Variants in HPS3 observed in about 807,000 individuals in gnomAD.
HPS3 encodes the protein HPS3 biogenesis of lysosomal organelles complex 2 subunit 1.
A neutral mutation model predicts 110.9 loss-of-function variants in HPS3; 79 were observed. The ratio of observed to expected loss-of-function variants is 0.71; its 90% CI spans 0.59 to 0.86. The LOEUF (loss-of-function observed/expected upper bound fraction) is 0.86, where lower values mean the gene tolerates loss of function less well. HPS3 is among the 40% of genes least tolerant of loss of function. The pLI is 0.00. For missense variants in HPS3, 1,197 were observed against 1,206.2 expected, an observed-to-expected ratio of 0.99 and a Z score of 0.11; for synonymous variants, 428 against 451.0, an observed-to-expected ratio of 0.95 and a Z score of 0.65.
intron 1 of HPS3, among the ~76,000 whole-genome samples, chr3:149,137,845 C>A (rs918619127): frequency 1.3e-5 from 2 of 152,088 alleles, no homozygotes; most frequent in Non-Finnish European, 2.9e-5. Flanking sequence ...TTAATCAGTG[C>A]AGAGTTTTTT....
At chr3:149,145,590 G>A in intron 5 of HPS3, 44 bp downstream of exon 5, 1 of 1,501,854 alleles carries the variant, frequency 6.7e-7, no homozygotes, top group Non-Finnish European at 9.3e-7. Context: ...TCACTTATTT[G>A]TAAATTTTTG....
intron 10 of HPS3, among the ~76,000 whole-genome samples, chr3:149,159,085 TA>T (rs1723632708): frequency 6.6e-6 from 1 of 152,178 alleles, no homozygotes; most frequent in South Asian, 2.1e-4. Context: ...TGGTCTGTTG[TA>T]GTCTCAACAC....
At chr3:149,172,020 T>G in intron 16 of HPS3, 75 bp from the exon 17 acceptor site, 4 of 1,470,836 alleles carry the variant, frequency 2.7e-6, no homozygotes, top group Non-Finnish European at 3.8e-6. Flanking sequence ...TGGCTTCTAA[T>G]TGGTTGGTTA....
At chr3:149,163,746 A>T in intron 13 of HPS3, 96 bp from the exon 14 acceptor site, 1 of 727,824 alleles carries the variant, frequency 1.4e-6, no homozygotes, top group South Asian at 1.5e-5. Flanking sequence ...ATTCTATGAC[A>T]TGGCAGAGAA....
intron 14 of HPS3, among the ~76,000 whole-genome samples, chr3:149,164,754 T>A (rs1724236371): frequency 6.6e-6 from 1 of 152,174 alleles, no homozygotes; most frequent in South Asian, 2.1e-4. Flanking sequence ...CCGCAGCCCC[T>A]CCTTGGGCAG....
rs1483725751 is a variant in HPS3 at position 149,141,122 on chromosome 3, C to G, written c.818C>G (p.Thr273Arg). 1.9e-6 allele frequency: 3 copies of G among 1,612,986 alleles called. No individual in the cohort carries two copies. Among genetic ancestry groups the G allele is most frequent in the Non-Finnish European group, 2.5e-6 (3 of 1,179,794 alleles). Reference sequence around the variant, plus strand: ...AGTGAACAGTCTGGATTATCTGTTACACTGGAGTCTACGGGATTAGCTGAT... The same window carrying G: ...AGTGAACAGTCTGGATTATCTGTTAGACTGGAGTCTACGGGATTAGCTGAT... Reference protein sequence around the residue: ...EKSEQSGLSVTLESTGLADEK... With the variant: ...EKSEQSGLSVRLESTGLADEK... The change falls in exon 3 of 17, where the codon ACA (threonine) becomes AGA (arginine). Residue 273 changes from threonine (T) to arginine (R), a missense_variant. By Grantham distance (71) the Thr-to-Arg change is moderately conservative. Coordinates refer to ENST00000296051, the MANE Select transcript of HPS3 (RefSeq NM_032383.5).
chr3:149,152,631 C>G (rs1307812707), intron 6 of HPS3, among the ~76,000 whole-genome samples: 1 of 152,224 alleles, frequency 6.6e-6, no homozygotes, highest in Non-Finnish European at 1.5e-5. Context: ...AAAAGTTTCA[C>G]AACCTCAAGA....
chr3:149,169,068 G>A (rs1046977581), intron 16 of HPS3, among the ~76,000 whole-genome samples: 2 of 148,520 alleles, frequency 1.3e-5, no homozygotes, highest in African/African-American at 5.2e-5. Flanking sequence ...TATGGCTAAT[G>A]AGACTAAGTG....
chr3:149,141,620 A>G (rs1645003478), intron 4 of HPS3, among the ~76,000 whole-genome samples: 6 of 138,108 alleles, frequency 4.3e-5, no homozygotes, highest in Admixed American at 3.3e-4. Flanking sequence ...TGCAACTTCT[A>G]CTTCCTGGGT....
intron 4 of HPS3, among the ~76,000 whole-genome samples, chr3:149,144,115 G>A (rs950672845): frequency 1.3e-5 from 2 of 151,766 alleles, no homozygotes; most frequent in Admixed American, 6.6e-5. Context: ...GGTGGTTCAC[G>A]CCTGTAATCC....
rs781647497 is a variant in HPS3, at chr3:149,139,984, TA to T, written c.218-18del. ...TATTTCTAATTACAAATTCTCAGTA[TA>T]ATCTTCATTCCTTCTCAGGAGATTA... On this transcript the variant is annotated intron_variant, in intron 1 of 16. Transcript: ENST00000296051. 56 of 1,607,632 alleles carry T rather than the reference TA, an allele frequency of 3.5e-5. 2 individuals carry two copies. In the East Asian group the frequency reaches 4.7e-4, roughly 13 times the overall value.
chr3:149,162,133 CT>C lies in HPS3; in HGVS notation c.2107-12del, dbSNP rs1559922336. Reference sequence around the variant, plus strand: ...CAATGTACCTTTTGTTCCTAAATTTCTTTCTTATCTGAAGATGAAGTTGGTA... The same window carrying C: ...CAATGTACCTTTTGTTCCTAAATTTCTTCTTATCTGAAGATGAAGTTGGTA... On this transcript the variant is annotated splice_polypyrimidine_tract_variant and intron_variant, in intron 11 of 16. Coordinates refer to ENST00000296051, the MANE Select transcript of HPS3 (RefSeq NM_032383.5). 6.2e-7 allele frequency: 1 copy of C among 1,610,538 alleles called. No homozygotes were observed. The highest frequency in any genetic ancestry group is 1.7e-5 in the Admixed American group (1 of 59,924).
At chr3:149,171,908 T>C (rs966958225) in intron 16 of HPS3, among the ~76,000 whole-genome samples, 187 bp from the exon 17 acceptor site, 1 of 152,066 alleles carries the variant, frequency 6.6e-6, no homozygotes, top group African/African-American at 2.4e-5. Context: ...GGTTTCACCA[T>C]GTTGGCCAGA....
At chr3:149,166,293 T>A (rs1724406707) in intron 14 of HPS3, among the ~76,000 whole-genome samples, 1 of 152,218 alleles carries the variant, frequency 6.6e-6, no homozygotes, top group Non-Finnish European at 1.5e-5. Flanking sequence ...TTTAGTCTTA[T>A]TAAGTGTTAA....
At chr3:149,131,261 CAG>C (rs1212078792) in intron 1 of HPS3, among the ~76,000 whole-genome samples, 1 of 151,938 alleles carries the variant, frequency 6.6e-6, no homozygotes, top group African/African-American at 2.4e-5. Context: ...AAGACATATA[CAG>C]GCATACCTTG....
intron 14 of HPS3, among the ~76,000 whole-genome samples, chr3:149,165,690 T>G (rs1724346451): frequency 6.6e-6 from 1 of 152,146 alleles, no homozygotes; most frequent in Non-Finnish European, 1.5e-5. Flanking sequence ...TAAAAGTTCA[T>G]GGGTAGTTGA....
rs773902711 is a variant in HPS3 at position 149,140,190 on chromosome 3, C to A, written c.404C>A (p.Ala135Asp). ...MYIIEMPLSE[A>D]PLCISCCPVK... ...ATTATTGAAATGCCGCTTTCGGAGG[C>A]CCCCTTGTGCATTTCCTGTTGCCCT... The change falls in exon 2 of 17, where the codon GCC becomes GAC. Residue 135 changes from alanine (A) to aspartate (D), a missense_variant. Transcript: ENST00000296051. 1.2e-6 allele frequency: 2 copies of A among 1,613,938 alleles called. No individual in the cohort carries two copies. The highest frequency in any genetic ancestry group is 3.3e-5 in the Admixed American group (2 of 60,000).
intron 16 of HPS3, chr3:149,170,544 A>T (rs1443530751): frequency 1.3e-5 from 2 of 152,166 alleles, no homozygotes; most frequent in Admixed American, 6.5e-5. Flanking sequence ...TAGGACTTGG[A>T]AGATTAAGTG....
rs1041936828 is a variant in HPS3 at position 149,173,085 on chromosome 3, G to A, written c.*863G>A. 4.6e-5 allele frequency: 7 copies of A among 152,206 alleles called. No homozygotes were observed. The highest frequency in any genetic ancestry group is 1.2e-4 in the African/African-American group (5 of 41,404). 9.4% of individuals were successfully genotyped at this position (152,206 alleles called of 1,614,324 possible). On this transcript the variant is annotated 3_prime_UTR_variant, in exon 17 of 17. Coordinates refer to ENST00000296051, the MANE Select transcript of HPS3 (RefSeq NM_032383.5). ...TTCTACTCATGTGACATCTGCCACA[G>A]GTCTATTTTGAAGCTTTTCTTCTAA...
Sources: allele counts gnomAD v4.1 joint callset (sites outside exome capture counted in the v4.1 genomes callset), GRCh38; gene constraint gnomAD v4.1.1; transcripts MANE v1.5; gene names NCBI Gene and HGNC (gene_info 2026-07-23, HGNC 2026-07-21).